PRKG1: variants seen among roughly 807,000 people sequenced by gnomAD.
PRKG1 encodes the protein cGMP-dependent protein kinase 1.
Under a neutral mutation model 88.1 loss-of-function variants are expected in PRKG1, and 35 were observed. The ratio of observed to expected loss-of-function variants is 0.40; its 90% CI spans 0.30 to 0.53. The LOEUF (loss-of-function observed/expected upper bound fraction) is 0.53. Ranked by LOEUF, PRKG1 falls within the 20% of genes least tolerant of loss-of-function variation. The probability of loss-of-function intolerance (pLI) is 0.59; values close to 1 mark genes in which losing one functional copy is unlikely to be tolerated. For synonymous variants in PRKG1, 303 were observed against 292.5 expected (o/e 1.04, Z -0.37); for missense variants, 540 against 839.8 (o/e 0.64, Z 4.41).
At chr10:51,129,563 T>C (rs1348248915) in intron 1 of PRKG1, among the ~76,000 whole-genome samples, 14 of 152,210 alleles carry the variant, frequency 9.2e-5, no homozygotes, top group Admixed American at 1.3e-4. Context: ...TTTTCACTTA[T>C]AGTTAAATTA....
chr10:52,058,000 TAAAG>T (rs1477924950), intron 6 of PRKG1, among the ~76,000 whole-genome samples: 1 of 151,954 alleles, frequency 6.6e-6, no homozygotes, highest in South Asian at 2.1e-4. Flanking sequence ...TATTTGGAAA[TAAAG>T]AAACAGTAAT....
chr10:51,409,754 T>A (rs1051436534), intron 2 of PRKG1, among the ~76,000 whole-genome samples: 6 of 145,060 alleles, frequency 4.1e-5, no homozygotes, highest in Admixed American at 1.5e-4. Flanking sequence ...CTCAAGAGGC[T>A]GAGGCAGGAG....
intron 7 of PRKG1, among the ~76,000 whole-genome samples, chr10:52,087,712 A>C (rs1846951202): frequency 6.6e-6 from 1 of 152,156 alleles, no homozygotes; most frequent in South Asian, 2.1e-4. Context: ...ATGCCACTAA[A>C]TTGCATCTGG....
At chr10:51,481,310 T>C (rs1024988035) in intron 3 of PRKG1, among the ~76,000 whole-genome samples, 1 of 151,850 alleles carries the variant, frequency 6.6e-6, no homozygotes, top group Admixed American at 6.6e-5. Flanking sequence ...TACAGTGGCA[T>C]GATCTCAGCT....
At chr10:51,976,457 G>T (rs1843835547) in intron 5 of PRKG1, among the ~76,000 whole-genome samples, 1 of 151,884 alleles carries the variant, frequency 6.6e-6, no homozygotes, top group Non-Finnish European at 1.5e-5. Context: ...CTACAAACTG[G>T]ATAAACCTTA....
intron 4 of PRKG1, among the ~76,000 whole-genome samples, chr10:51,814,316 C>T (rs529002660): frequency 6.6e-6 from 1 of 152,310 alleles, no homozygotes; most frequent in African/African-American, 2.4e-5. Flanking sequence ...TTGTAGAGAT[C>T]ACAATTCTGG....
intron 9 of PRKG1, among the ~76,000 whole-genome samples, chr10:52,177,206 T>C (rs1324476831): frequency 1.3e-5 from 2 of 152,112 alleles, no homozygotes; most frequent in Non-Finnish European, 2.9e-5. Flanking sequence ...TTATTGAGAG[T>C]TTATATTATG....
At chr10:51,404,997 A>G (rs1041839672) in intron 2 of PRKG1, among the ~76,000 whole-genome samples, 3 of 152,224 alleles carry the variant, frequency 2.0e-5, no homozygotes, top group Non-Finnish European at 4.4e-5. Context: ...CTTCTGCAGT[A>G]TGAGTAAACA....
chr10:51,188,421 A>G (rs969739675), intron 2 of PRKG1, among the ~76,000 whole-genome samples: 2 of 151,926 alleles, frequency 1.3e-5, no homozygotes, highest in African/African-American at 4.8e-5. Flanking sequence ...TAGTTTTTCA[A>G]TGTCTATCTT....
chr10:51,098,831 G>T (rs905130542), intron 1 of PRKG1, among the ~76,000 whole-genome samples: 7 of 152,022 alleles, frequency 4.6e-5, no homozygotes, highest in African/African-American at 1.7e-4. Flanking sequence ...GCTTCCAATA[G>T]CCTGCATTGG....
rs534293758 is a variant in PRKG1, at chr10:51,763,765, A to G, written c.593-40820A>G. Among the ~76,000 whole-genome samples the G allele has an allele frequency of 3.9e-5, 6 of 152,290 alleles. No homozygotes were observed. In the South Asian group the frequency reaches 1.2e-3, roughly 32 times the overall value. On this transcript the variant is annotated intron_variant, in intron 3 of 17. Transcript: ENST00000373980. ...GAAAAAAAAGGAATTTATTTCTTAC[A>G]GTTCTGGAGGTTGAGAAGTGTACAA...
At chr10:51,504,473 T>C (rs1417020617) in intron 3 of PRKG1, among the ~76,000 whole-genome samples, 2 of 152,198 alleles carry the variant, frequency 1.3e-5, no homozygotes, top group African/African-American at 4.8e-5. Flanking sequence ...TGGTTCCATA[T>C]GAACTTTAAA....
rs1312249813 is a variant in PRKG1, at chr10:51,199,127, A to T, written c.478+45797A>T. Among the ~76,000 whole-genome samples, 3 of 152,206 alleles carry T rather than the reference A, an allele frequency of 2.0e-5. No homozygotes were observed. In the East Asian group the frequency reaches 5.8e-4, roughly 29 times the overall value. On this transcript the variant is annotated intron_variant, in intron 2 of 17. Coordinates refer to ENST00000373980, the MANE Select transcript of PRKG1 (RefSeq NM_006258.4). ...AAACAAATGAATTGTACATGAAACT[A>T]TTTGCCATAGAACCAATTAGCCAAA...
intron 1 of PRKG1, among the ~76,000 whole-genome samples, chr10:51,121,571 C>G (rs1271717238): frequency 6.6e-6 from 1 of 152,104 alleles, no homozygotes; most frequent in African/African-American, 2.4e-5. Flanking sequence ...ACTGAATCCT[C>G]ATAACAACTC....
At chr10:52,015,712 CTT>C (rs1422050253) in intron 5 of PRKG1, among the ~76,000 whole-genome samples, 1 of 152,188 alleles carries the variant, frequency 6.6e-6, no homozygotes, top group East Asian at 1.9e-4. Flanking sequence ...CAAATTATCT[CTT>C]TGTAAATGCA....
chr10:51,447,846 A>G (rs1822688), intron 2 of PRKG1, among the ~76,000 whole-genome samples: 5,053 of 152,146 alleles, frequency 0.033, 116 homozygotes, highest in Admixed American at 0.059. Flanking sequence ...TAATATGTCT[A>G]GTTAGAATAT....
At chr10:52,188,331 C>CAT (rs200027442) in intron 9 of PRKG1, among the ~76,000 whole-genome samples, 39 of 138,604 alleles carry the variant, frequency 2.8e-4, no homozygotes, top group South Asian at 6.9e-4. Flanking sequence ...TATATATACA[C>CAT]ATATATATAT....
intron 7 of PRKG1, among the ~76,000 whole-genome samples, chr10:52,079,903 C>T (rs1248217483): frequency 1.3e-5 from 2 of 151,986 alleles, no homozygotes; most frequent in Non-Finnish European, 2.9e-5. Context: ...TGCTGTAGGC[C>T]CCATACATGC....
intron 2 of PRKG1, among the ~76,000 whole-genome samples, chr10:51,330,709 T>C (rs1156265956): frequency 9.8e-6 from 1 of 102,298 alleles, no homozygotes; most frequent in Non-Finnish European, 2.1e-5. Flanking sequence ...TTTATCATTC[T>C]GGTCACATTG....
Sources: gnomAD v4.1 joint callset for allele counts (sites outside exome capture counted in the v4.1 genomes callset) on GRCh38, gnomAD v4.1.1 for gene constraint, MANE v1.5 for transcripts, NCBI Gene and HGNC (gene_info 2026-07-23, HGNC 2026-07-21) for gene names.